The following GSG1L variants were observed in gnomAD, a reference collection of about 807,000 sequenced individuals.
The protein encoded by GSG1L is germ cell-specific gene 1-like protein.
GSG1L carries 24 observed loss-of-function variants against 42.1 expected under a neutral mutation model. The ratio of observed to expected loss-of-function variants is 0.57; its 90% CI spans 0.41 to 0.80. GSG1L has a LOEUF of 0.80. Among genes scored for constraint, GSG1L ranks in the 30% least tolerant of loss-of-function variants. The pLI, the probability that GSG1L is intolerant of heterozygous loss-of-function variation, is 0.00. For synonymous variants in GSG1L, 215 were observed against 203.5 expected (o/e 1.06, Z -0.48); for missense variants, 445 against 472.2 (o/e 0.94, Z 0.53).
rs552006790 is a variant in GSG1L, at chr16:28,000,189, G to A, written c.350-36986C>T. Reference sequence around the variant, plus strand: ...GTGCGCTCAAAAGTTAGGCCACAGCGGGGCGCAGTGGCTCACGCCTATAAT... The same window carrying A: ...GTGCGCTCAAAAGTTAGGCCACAGCAGGGCGCAGTGGCTCACGCCTATAAT... On this transcript the variant is annotated intron_variant, in intron 1 of 6. Transcript: ENST00000447459. Among the ~76,000 whole-genome samples, 63 of 152,290 alleles carry A rather than the reference G, an allele frequency of 4.1e-4. 1 individual carries two copies. The highest frequency in any genetic ancestry group is 2.9e-3 in the Admixed American group (45 of 15,288).
At chr16:27,989,564 AC>A (rs1326670759) in intron 1 of GSG1L, among the ~76,000 whole-genome samples, 13 of 152,208 alleles carry the variant, frequency 8.5e-5, no homozygotes, top group Admixed American at 3.9e-4. Context: ...ACATGGTGAA[AC>A]CCTGCCTCTG....
chr16:28,057,290 G>A (rs1479241336), intron 1 of GSG1L, among the ~76,000 whole-genome samples: 1 of 152,168 alleles, frequency 6.6e-6, no homozygotes, highest in Non-Finnish European at 1.5e-5. Context: ...GGGAGCTGCG[G>A]GGCAAGGTGG....
At chr16:27,829,363 T>C (rs1596540328) in intron 4 of GSG1L, among the ~76,000 whole-genome samples, 2 of 152,258 alleles carry the variant, frequency 1.3e-5, no homozygotes, top group African/African-American at 4.8e-5. Context: ...CAGCAGGGAA[T>C]GTTCTACAAA....
intron 2 of GSG1L, among the ~76,000 whole-genome samples, chr16:27,911,268 T>TCG (rs1555507781): frequency 3.4e-4 from 38 of 111,612 alleles, no homozygotes; most frequent in African/African-American, 8.8e-4. Flanking sequence ...TCTCTCTCGC[T>TCG]CTCTCTCTCT....
chr16:28,032,318 T>C (rs1596716768), intron 1 of GSG1L, among the ~76,000 whole-genome samples: 1 of 150,422 alleles, frequency 6.6e-6, no homozygotes, highest in Non-Finnish European at 1.5e-5. Flanking sequence ...GCACAATTTC[T>C]TTCCATTCAC....
At chr16:27,866,119 A>ATC (rs2141005114) in intron 3 of GSG1L, among the ~76,000 whole-genome samples, 1 of 151,788 alleles carries the variant, frequency 6.6e-6, no homozygotes, top group African/African-American at 2.4e-5. Context: ...CTCTCTGTAT[A>ATC]TCTCTGTATG....
At chr16:27,973,564 G>A (rs2085217823) in intron 1 of GSG1L, among the ~76,000 whole-genome samples, 1 of 151,588 alleles carries the variant, frequency 6.6e-6, no homozygotes. Context: ...GCCTAATTGG[G>A]GGAAACAAGA....
chr16:28,034,201 TCCCATCCCAA>T (rs1450466051), intron 1 of GSG1L, among the ~76,000 whole-genome samples: 7 of 100,346 alleles, frequency 7.0e-5, no homozygotes, highest in African/African-American at 2.2e-4. Flanking sequence ...ACTCATCTCA[TCCCATCCCAA>T]CCCATCCCAT....
intron 2 of GSG1L, among the ~76,000 whole-genome samples, chr16:27,937,318 A>G (rs1040885876): frequency 6.7e-6 from 1 of 150,324 alleles, no homozygotes; most frequent in Non-Finnish European, 1.5e-5. Flanking sequence ...GCTCACTGCA[A>G]CCCAACCTCC....
At chr16:28,028,432 C>T (rs1249941307) in intron 1 of GSG1L, among the ~76,000 whole-genome samples, 1 of 151,912 alleles carries the variant, frequency 6.6e-6, no homozygotes, top group Non-Finnish European at 1.5e-5. Flanking sequence ...CCTAGGCCTA[C>T]GATTCCCGAG....
chr16:28,032,604 C>T (rs2085978262), intron 1 of GSG1L, among the ~76,000 whole-genome samples: 1 of 152,318 alleles, frequency 6.6e-6, no homozygotes, highest in South Asian at 2.1e-4. Flanking sequence ...ACAGAACAAA[C>T]ATAACCCGGC....
chr16:27,947,593 G>GAAAGAAAGA, intron 2 of GSG1L, among the ~76,000 whole-genome samples: 1 of 113,868 alleles, frequency 8.8e-6, no homozygotes, highest in East Asian at 2.2e-4. Flanking sequence ...AAGAAAGAAA[G>GAAAGAAAGA]AAAGAAAAAG....
At chr16:27,828,121 C>G (rs1327524360) in intron 5 of GSG1L, among the ~76,000 whole-genome samples, 1 of 152,094 alleles carries the variant, frequency 6.6e-6, no homozygotes, top group Non-Finnish European at 1.5e-5. Flanking sequence ...ACCTATTGAT[C>G]CATCCATTCA....
At chr16:27,852,552 G>C (rs752436589) in intron 3 of GSG1L, among the ~76,000 whole-genome samples, 24 of 152,018 alleles carry the variant, frequency 1.6e-4, no homozygotes, top group Non-Finnish European at 3.4e-4. Flanking sequence ...GAGGAGGGTG[G>C]AGCAGGCAGG....
At chr16:27,969,778 C>A (rs534011407) in intron 1 of GSG1L, among the ~76,000 whole-genome samples, 2 of 152,124 alleles carry the variant, frequency 1.3e-5, no homozygotes, top group African/African-American at 4.8e-5. Flanking sequence ...TGAGAAATTG[C>A]GACACTTTTT....
At chr16:27,909,515 G>A (rs1755843841) in intron 2 of GSG1L, among the ~76,000 whole-genome samples, 1 of 150,166 alleles carries the variant, frequency 6.7e-6, no homozygotes, top group East Asian at 2.0e-4. Flanking sequence ...GCCTCTCAAA[G>A]TGTTGGGATT....
intron 1 of GSG1L, among the ~76,000 whole-genome samples, chr16:28,051,189 A>G (rs138154549): frequency 7.7e-4 from 117 of 152,260 alleles, no homozygotes; most frequent in Middle Eastern, 6.8e-3. Flanking sequence ...TTTTGGTTGG[A>G]GTGGGCATTT....
chr16:27,886,286 A>T (rs767653101), intron 2 of GSG1L, among the ~76,000 whole-genome samples: 8 of 152,156 alleles, frequency 5.3e-5, no homozygotes, highest in Non-Finnish European at 1.0e-4. Flanking sequence ...CTAAAAATAC[A>T]AAAAGTAGCC....
chr16:27,974,686 C>T (rs909576031), intron 1 of GSG1L, among the ~76,000 whole-genome samples: 7 of 152,134 alleles, frequency 4.6e-5, no homozygotes, highest in African/African-American at 1.7e-4. Flanking sequence ...ACAGACAGGA[C>T]TTAAATCTCA....
Sources: gnomAD v4.1 joint callset for allele counts (sites outside exome capture counted in the v4.1 genomes callset) on GRCh38, gnomAD v4.1.1 for gene constraint, MANE v1.5 for transcripts, NCBI Gene and HGNC (gene_info 2026-07-23, HGNC 2026-07-21) for gene names.